The following CDC20B variants were observed in gnomAD, a reference collection of about 807,000 sequenced individuals.
CDC20B encodes cell division cycle 20B.
Under a neutral mutation model 64.1 loss-of-function variants are expected in CDC20B, and 58 were observed. That is an observed-to-expected ratio of 0.90 (90% CI 0.73 to 1.13). CDC20B has a LOEUF of 1.13. Ranked by LOEUF, CDC20B falls within the 50% of genes most tolerant of loss-of-function variation. CDC20B has a pLI of 0.00. For missense variants in CDC20B, 597 were observed against 633.0 expected, an observed-to-expected ratio of 0.94 and a Z score of 0.61; for synonymous variants, 243 against 230.6, an observed-to-expected ratio of 1.05 and a Z score of -0.49.
At chr5:55,167,153 G>T (rs1744438610) in intron 2 of CDC20B, 1 of 152,200 alleles carries the variant, frequency 6.6e-6, no homozygotes, top group African/African-American at 2.4e-5. Context: ...TTTTAACTGT[G>T]GTAACTAATT....
chr5:55,148,328 T>C (rs1743555698), intron 2 of CDC20B, among the ~76,000 whole-genome samples: 1 of 152,216 alleles, frequency 6.6e-6, no homozygotes, highest in African/African-American at 2.4e-5. Context: ...GTTAAATTAG[T>C]ATCTGGAAAG....
At chr5:55,130,224 T>C (rs889030751) in intron 6 of CDC20B, among the ~76,000 whole-genome samples, 21 of 151,944 alleles carry the variant, frequency 1.4e-4, no homozygotes, top group African/African-American at 5.1e-4. Flanking sequence ...AACTTTAAAA[T>C]GGAAAAATAT....
At position 55,114,083 on chromosome 5, in the gene CDC20B, C is replaced by G. The variant is rs1329762213; in HGVS notation, c.*135G>C. The G allele has an allele frequency of 7.3e-7, 1 of 1,374,946 alleles. No individual in the cohort carries two copies. Among genetic ancestry groups the G allele is most frequent in the Non-Finnish European group, 9.5e-7 (1 of 1,047,602 alleles). 85.2% of individuals were successfully genotyped at this position (1,374,946 alleles called of 1,614,324 possible). A position where few individuals can be genotyped will look rare whatever the true frequency, so the allele number is the denominator to read the frequency against. Reference sequence around the variant, plus strand: ...AGTAAAGCAATCTGCAAAAGAAGAACAGGAGAACAGGCATTCACATCAAGA... The same window carrying G: ...AGTAAAGCAATCTGCAAAAGAAGAAGAGGAGAACAGGCATTCACATCAAGA... On this transcript the variant is annotated 3_prime_UTR_variant, in exon 12 of 12. Transcript: ENST00000381375. The surrounding 1 kb of genome is among the most constrained non-coding windows in gnomAD (Gnocchi z 4.1).
intron 2 of CDC20B, among the ~76,000 whole-genome samples, chr5:55,153,289 A>G (rs1743722612): frequency 6.6e-6 from 1 of 151,854 alleles, no homozygotes; most frequent in Non-Finnish European, 1.5e-5. Flanking sequence ...TGTACAGAGT[A>G]AAATAAACAT....
Position 55,114,242 on chromosome 5 carries a change from C to G in CDC20B, c.1536G>C (p.Thr512=). 1 of 1,613,706 alleles carries G rather than the reference C, an allele frequency of 6.2e-7. No homozygotes were observed. The highest frequency in any genetic ancestry group is 8.5e-7 in the Non-Finnish European group (1 of 1,179,764). ...GCTAGTAGCAATTCCATACAGAGGC[C>G]GTCCCATCAGCTGCAGCAGAAAACA... The part of the protein sequence containing the change: ...TRVFSAAADG[T]ASVWNCY Residue 512 remains threonine, a synonymous_variant, in exon 12 of 12, where the codon ACG becomes ACC. Coordinates refer to ENST00000381375, the MANE Select transcript of CDC20B (RefSeq NM_001170402.1). This position sits in a 1 kb window ranked among gnomAD's most constrained non-coding sequence, Gnocchi z 4.1.
chr5:55,120,013 C>A, intron 10 of CDC20B, 95 bp from the exon 11 acceptor site: 1 of 884,336 alleles, frequency 1.1e-6, no homozygotes, highest in South Asian at 1.5e-5. Context: ...TGTCCATGAC[C>A]CAACCTCCAG....
chr5:55,120,800 G>T (rs905863965), intron 9 of CDC20B, among the ~76,000 whole-genome samples: 3 of 152,068 alleles, frequency 2.0e-5, no homozygotes, highest in Admixed American at 1.3e-4. Context: ...TAACAATTGT[G>T]GATTTTTTAA....
At chr5:55,145,045 A>G (rs1743431831) in intron 3 of CDC20B, among the ~76,000 whole-genome samples, 2 of 152,238 alleles carry the variant, frequency 1.3e-5, no homozygotes, top group South Asian at 2.1e-4. Context: ...TTTCTCACAC[A>G]ATGTCATACT....
intron 2 of CDC20B, among the ~76,000 whole-genome samples, chr5:55,151,239 C>G (rs770693531): frequency 6.6e-6 from 1 of 152,162 alleles, no homozygotes; most frequent in African/African-American, 2.4e-5. Flanking sequence ...GAAATTTAGA[C>G]TTTTCATATG....
chr5:55,170,070 C>T (rs188629473), intron 2 of CDC20B, among the ~76,000 whole-genome samples: 6 of 151,832 alleles, frequency 4.0e-5, no homozygotes, highest in Admixed American at 2.0e-4. Context: ...GCCGAGATCG[C>T]GCCACTGTAC....
chr5:55,149,541 G>A (rs1352237943), intron 2 of CDC20B, among the ~76,000 whole-genome samples: 2 of 152,218 alleles, frequency 1.3e-5, no homozygotes, highest in Non-Finnish European at 2.9e-5. Flanking sequence ...GGAATGAGTT[G>A]CTGATACATG....
At chr5:55,125,947 T>C (rs148099529) in intron 8 of CDC20B, among the ~76,000 whole-genome samples, 92 of 152,304 alleles carry the variant, frequency 6.0e-4, no homozygotes, top group African/African-American at 2.1e-3. Context: ...GTTACTGCAG[T>C]GATTAAAATG....
chr5:55,119,542 G>A (rs1268819677), intron 11 of CDC20B, among the ~76,000 whole-genome samples: 1 of 152,124 alleles, frequency 6.6e-6, no homozygotes, highest in Non-Finnish European at 1.5e-5. Flanking sequence ...TTCAAAAACT[G>A]CCCAAGATCA....
chr5:55,164,794 T>C (rs1184539839), intron 2 of CDC20B: 1 of 152,206 alleles, frequency 6.6e-6, no homozygotes, highest in Non-Finnish European at 1.5e-5. Flanking sequence ...CAGGATTTTG[T>C]TTTTTCTTTT....
rs139760853 is a variant in CDC20B, at chr5:55,115,941, G to C, written c.1460-1623C>G. On this transcript the variant is annotated intron_variant, in intron 11 of 11. Coordinates refer to ENST00000381375, the MANE Select transcript of CDC20B (RefSeq NM_001170402.1). ...CGCACCAGTAAAGGATGCCTCCAAGGGGACATGGGATTGGCCCTGGGTGTG... is the reference window on the plus strand; with the variant it reads ...CGCACCAGTAAAGGATGCCTCCAAGCGGACATGGGATTGGCCCTGGGTGTG... 4.3e-4 allele frequency among the ~76,000 whole-genome samples: 66 copies of C among 152,230 alleles called. No individual in the cohort carries two copies. The East Asian group carries it at 0.012, about 27-fold the overall frequency.
rs528002079 is a variant in CDC20B at position 55,145,790 on chromosome 5, C to A, written c.355+838G>T. ...CTTCTCTCTTTCTCTTTGTCTCTCT[C>A]CCCCCATCCATCCCCTCATCCCTCT... On this transcript the variant is annotated intron_variant, in intron 3 of 11. Coordinates refer to ENST00000381375, the MANE Select transcript of CDC20B (RefSeq NM_001170402.1). 2.0e-5 allele frequency among the ~76,000 whole-genome samples: 3 copies of A among 151,686 alleles called. No individual in the cohort carries two copies. In the East Asian group the frequency reaches 5.8e-4, roughly 29 times the overall value.
intron 9 of CDC20B, among the ~76,000 whole-genome samples, chr5:55,123,893 A>G (rs889032251): frequency 2.0e-5 from 3 of 152,314 alleles, no homozygotes; most frequent in African/African-American, 7.2e-5. Context: ...GGCCAGTACA[A>G]TGTAGTGGCA....
chr5:55,153,687 A>G (rs546758044), intron 2 of CDC20B, among the ~76,000 whole-genome samples: 1 of 152,324 alleles, frequency 6.6e-6, no homozygotes, highest in South Asian at 2.1e-4. Flanking sequence ...TATTTATCAA[A>G]ATTGTTGATT....
At chr5:55,138,213 T>G (rs1484024414) in intron 5 of CDC20B, among the ~76,000 whole-genome samples, 1 of 148,896 alleles carries the variant, frequency 6.7e-6, no homozygotes, top group African/African-American at 2.5e-5. Context: ...CAGGCTGGAG[T>G]GCAGTGGCGT....
Sources: allele counts gnomAD v4.1 joint callset (sites outside exome capture counted in the v4.1 genomes callset), GRCh38; gene constraint gnomAD v4.1.1; non-coding constraint Gnocchi (gnomAD v3.1); transcripts MANE v1.5; gene names NCBI Gene and HGNC (gene_info 2026-07-23, HGNC 2026-07-21).